NLGN1: variants seen among roughly 807,000 people sequenced by gnomAD.
NLGN1 encodes the protein neuroligin 1, also known as neuroligin-1.
Under a neutral mutation model 65.5 loss-of-function variants are expected in NLGN1, and 12 were observed. The observed-to-expected ratio is 0.18, with a 90% CI of 0.12 to 0.30. The LOEUF (loss-of-function observed/expected upper bound fraction) is 0.30, where lower values mean the gene tolerates loss of function less well. Ranked by LOEUF, NLGN1 falls within the 10% of genes least tolerant of loss-of-function variation. The pLI, the probability that NLGN1 is intolerant of heterozygous loss-of-function variation, is 1.00. For synonymous variants in NLGN1, 350 were observed against 359.5 expected (o/e 0.97, Z 0.30); for missense variants, 750 against 1,007.1 (o/e 0.74, Z 3.46).
At chr3:173,755,572 G>T (rs1255648441) in intron 3 of NLGN1, among the ~76,000 whole-genome samples, 1 of 152,084 alleles carries the variant, frequency 6.6e-6, no homozygotes, top group Non-Finnish European at 1.5e-5. Flanking sequence ...TGACACTAGG[G>T]CTGCCTTTGG....
intron 5 of NLGN1, among the ~76,000 whole-genome samples, chr3:174,277,478 G>C (rs1335106110): frequency 6.6e-6 from 1 of 151,826 alleles, no homozygotes; most frequent in African/African-American, 2.4e-5. Flanking sequence ...GAGTCCCTGA[G>C]ATGGGAAATA....
At chr3:173,470,423 A>G (rs1725120370) in intron 2 of NLGN1, among the ~76,000 whole-genome samples, 1 of 151,946 alleles carries the variant, frequency 6.6e-6, no homozygotes, top group South Asian at 2.1e-4. Flanking sequence ...GCCCAGCTTA[A>G]ATACATATTT....
chr3:174,108,802 G>A (rs2152609462), intron 4 of NLGN1, among the ~76,000 whole-genome samples: 1 of 152,156 alleles, frequency 6.6e-6, no homozygotes, highest in Non-Finnish European at 1.5e-5. Context: ...CTTTGGTCAA[G>A]GAAAGCAACT....
chr3:174,200,863 A>G (rs1577333031), intron 4 of NLGN1, among the ~76,000 whole-genome samples: 2 of 152,110 alleles, frequency 1.3e-5, no homozygotes, highest in East Asian at 3.9e-4. Flanking sequence ...ACATGGAGCA[A>G]AAATCACTGC....
At chr3:173,463,824 G>A (rs1324114742) in intron 2 of NLGN1, among the ~76,000 whole-genome samples, 2 of 151,972 alleles carry the variant, frequency 1.3e-5, no homozygotes, top group Non-Finnish European at 2.9e-5. Flanking sequence ...GTGTAAAATG[G>A]CACAGCTCTT....
chr3:173,752,848 C>T (rs937276828), intron 3 of NLGN1, among the ~76,000 whole-genome samples: 1 of 152,110 alleles, frequency 6.6e-6, no homozygotes, highest in Non-Finnish European at 1.5e-5. Context: ...CCCCAGTCCT[C>T]AACCTCAGCT....
intron 3 of NLGN1, among the ~76,000 whole-genome samples, chr3:173,784,723 A>G (rs1172722168): frequency 6.6e-6 from 1 of 150,930 alleles, no homozygotes; most frequent in Non-Finnish European, 1.5e-5. Context: ...ACACAGAGGG[A>G]TCACATGGTG....
chr3:173,696,353 A>G (rs1386775810), intron 3 of NLGN1, among the ~76,000 whole-genome samples: 1 of 152,150 alleles, frequency 6.6e-6, no homozygotes, highest in Non-Finnish European at 1.5e-5. Context: ...CTTGTAGCAT[A>G]GTGGGAAAAT....
At chr3:173,890,311 G>A (rs924416602) in intron 4 of NLGN1, among the ~76,000 whole-genome samples, 1 of 152,060 alleles carries the variant, frequency 6.6e-6, no homozygotes, top group African/African-American at 2.4e-5. Context: ...TCAGAGGTTT[G>A]TTCAGAACCA....
At chr3:173,999,630 C>T (rs1363062166) in intron 4 of NLGN1, among the ~76,000 whole-genome samples, 1 of 152,076 alleles carries the variant, frequency 6.6e-6, no homozygotes, top group Non-Finnish European at 1.5e-5. Context: ...GTCCTAATAA[C>T]ATTTTGGGAA....
At chr3:173,452,202 C>CTTTTTTTTTT (rs572500549) in intron 2 of NLGN1, among the ~76,000 whole-genome samples, 3,341 of 146,256 alleles carry the variant, frequency 0.023, 145 homozygotes, top group African/African-American at 0.078. Context: ...TCTTGGCTTC[C>CTTTTTTTTTT]TTTTTTTTTT....
intron 4 of NLGN1, among the ~76,000 whole-genome samples, chr3:173,831,087 A>C (rs1722464310): frequency 6.6e-6 from 1 of 152,178 alleles, no homozygotes; most frequent in Admixed American, 6.5e-5. Flanking sequence ...ATGGTCTCCA[A>C]TTCCATCCAT....
At chr3:174,071,034 G>A (rs1739735837) in intron 4 of NLGN1, among the ~76,000 whole-genome samples, 1 of 152,206 alleles carries the variant, frequency 6.6e-6, no homozygotes, top group South Asian at 2.1e-4. Flanking sequence ...CAGCCTGGGC[G>A]AGGGAATAAG....
chr3:174,065,069 G>A (rs529450849), intron 4 of NLGN1, among the ~76,000 whole-genome samples: 3 of 151,848 alleles, frequency 2.0e-5, no homozygotes, highest in Admixed American at 6.6e-5. Context: ...TGTATTTTTT[G>A]AAATAAGTAG....
intron 4 of NLGN1, among the ~76,000 whole-genome samples, chr3:174,173,288 G>A (rs919914266): frequency 6.6e-6 from 1 of 151,790 alleles, no homozygotes; most frequent in African/African-American, 2.4e-5. Flanking sequence ...TTCCAATTTG[G>A]ATGCCCTTTA....
chr3:174,276,209 T>C (rs1389967884), intron 5 of NLGN1, among the ~76,000 whole-genome samples: 2 of 151,880 alleles, frequency 1.3e-5, no homozygotes, highest in African/African-American at 4.8e-5. Flanking sequence ...CCATGAAATA[T>C]TTTTCTCGTT....
intron 4 of NLGN1, among the ~76,000 whole-genome samples, chr3:174,090,787 G>A (rs1326673930): frequency 1.3e-5 from 2 of 151,208 alleles, no homozygotes; most frequent in Non-Finnish European, 2.9e-5. Flanking sequence ...AGCCACAGAT[G>A]ATTCAGCCCC....
chr3:173,884,454 TTAAG>T (rs1733945775), intron 4 of NLGN1, among the ~76,000 whole-genome samples: 1 of 152,168 alleles, frequency 6.6e-6, no homozygotes, highest in South Asian at 2.1e-4. Context: ...GTAATGATCT[TTAAG>T]TAAGTAGCAT....
At chr3:173,836,896 C>A (rs1464476401) in intron 4 of NLGN1, among the ~76,000 whole-genome samples, 3 of 152,112 alleles carry the variant, frequency 2.0e-5, no homozygotes, top group African/African-American at 4.8e-5. Flanking sequence ...TGATAATGCT[C>A]ACATGGGTAA....
Sources: allele counts gnomAD v4.1 joint callset (sites outside exome capture counted in the v4.1 genomes callset), GRCh38; gene constraint gnomAD v4.1.1; transcripts MANE v1.5; gene names NCBI Gene and HGNC (gene_info 2026-07-23, HGNC 2026-07-21).